Variants in GAREM1 observed in about 807,000 individuals in gnomAD.
GAREM1 encodes GRB2 associated regulator of MAPK1 subtype 1, also known as GRB2-associated and regulator of MAPK protein 1.
Under a neutral mutation model 71.3 loss-of-function variants are expected in GAREM1, and 26 were observed. That is an observed-to-expected ratio of 0.36 (90% CI 0.27 to 0.51). The LOEUF is 0.51. Ranked by LOEUF, GAREM1 falls within the 20% of genes least tolerant of loss-of-function variation. The pLI, the probability that GAREM1 is intolerant of heterozygous loss-of-function variation, is 0.95. For synonymous variants in GAREM1, 440 were observed against 433.2 expected, an observed-to-expected ratio of 1.02 and a Z score of -0.20; for missense variants, 1,026 against 1,103.1, an observed-to-expected ratio of 0.93 and a Z score of 0.99.
chr18:32,327,824 C>T (rs1368509910), intron 2 of GAREM1, among the ~76,000 whole-genome samples: 1 of 152,132 alleles, frequency 6.6e-6, no homozygotes, highest in African/African-American at 2.4e-5. Flanking sequence ...TGGCCTTGAC[C>T]TTGAGAGGAG....
chr18:32,322,854 C>T (rs2047442932), intron 2 of GAREM1, among the ~76,000 whole-genome samples: 1 of 152,146 alleles, frequency 6.6e-6, no homozygotes, highest in African/African-American at 2.4e-5. Context: ...TCCTTTTGTG[C>T]TGTTTTCTTA....
Position 32,418,302 on chromosome 18 carries a change from G to C in GAREM1, c.122-25267C>G, listed in dbSNP as rs528287203. ...TTACAGAGTTCCGTGATGAGTCTCA[G>C]ATGTCCATGGTGTCAAAGTCCATGA... On this transcript the variant is annotated intron_variant, in intron 1 of 5. Transcript: ENST00000269209. Among the ~76,000 whole-genome samples, 50 of 152,222 alleles carry C rather than the reference G, an allele frequency of 3.3e-4. 1 individual carries two copies. The highest frequency in any genetic ancestry group is 1.5e-3 in the South Asian group (7 of 4,814).
At chr18:32,459,739 G>A (rs1357694218) in intron 1 of GAREM1, among the ~76,000 whole-genome samples, 1 of 151,984 alleles carries the variant, frequency 6.6e-6, no homozygotes, top group African/African-American at 2.4e-5. Context: ...AAACTACTGG[G>A]GACCAGAAAT....
In GAREM1 at chr18:32,268,739, G is replaced by C. The variant is rs201591851; in HGVS notation, c.1763C>G (p.Ser588Cys). Residue 588 changes from serine (S) to cysteine (C), a missense_variant, in exon 6 of 6, where the codon TCT (serine) becomes TGT (cysteine). By Grantham distance (112) the Ser-to-Cys change is moderately radical. Around this residue, in one of 3 missense-constraint regions of GAREM1, gnomAD observed 636 missense variants for 631.2 expected, o/e 1.01. Coordinates refer to ENST00000269209, the MANE Select transcript of GAREM1 (RefSeq NM_001242409.2). ...ISVTKTDTNP[S>C]ESTPVSCYPC... ...ATAGCAGGAAACAGGAGTGCTTTCA[G>C]AAGGATTTGTGTCAGTTTTAGTGAC... 1.7e-5 allele frequency: 28 copies of C among 1,614,020 alleles called. 1 individual carries two copies. The highest frequency in any genetic ancestry group is 1.7e-6 in the Non-Finnish European group (2 of 1,179,902).
At chr18:32,326,678 CTTCTT>C (rs1163293595) in intron 2 of GAREM1, among the ~76,000 whole-genome samples, 1 of 152,182 alleles carries the variant, frequency 6.6e-6, no homozygotes, top group Non-Finnish European at 1.5e-5. Flanking sequence ...CCGACACTGT[CTTCTT>C]TTGTTTTCTT....
At chr18:32,407,989 A>G (rs192486393) in intron 1 of GAREM1, among the ~76,000 whole-genome samples, 1 of 152,176 alleles carries the variant, frequency 6.6e-6, no homozygotes, top group Admixed American at 6.5e-5. Flanking sequence ...TTTTTAAAAA[A>G]AAACTAACTC....
At chr18:32,445,471 T>C (rs914335980) in intron 1 of GAREM1, among the ~76,000 whole-genome samples, 3 of 151,560 alleles carry the variant, frequency 2.0e-5, no homozygotes, top group African/African-American at 7.3e-5. Context: ...GGGTATATAC[T>C]CCCCCCTAGA....
At chr18:32,464,506 G>T (rs1249832158) in intron 1 of GAREM1, among the ~76,000 whole-genome samples, 1 of 152,138 alleles carries the variant, frequency 6.6e-6, no homozygotes, top group Non-Finnish European at 1.5e-5. Flanking sequence ...AAAAAGTAAA[G>T]TTCCTTTCCA....
At chr18:32,359,065 T>C (rs1052176083) in intron 2 of GAREM1, among the ~76,000 whole-genome samples, 4 of 152,176 alleles carry the variant, frequency 2.6e-5, no homozygotes, top group Non-Finnish European at 4.4e-5. Flanking sequence ...GATATTTGTG[T>C]GCCATTTCAA....
chr18:32,448,129 T>C (rs2048801343), intron 1 of GAREM1, among the ~76,000 whole-genome samples: 1 of 152,192 alleles, frequency 6.6e-6, no homozygotes, highest in African/African-American at 2.4e-5. Context: ...GAGACACCTA[T>C]CATTTATCAA....
At chr18:32,377,441 C>T (rs1036457122) in intron 2 of GAREM1, among the ~76,000 whole-genome samples, 2 of 152,172 alleles carry the variant, frequency 1.3e-5, no homozygotes, top group African/African-American at 4.8e-5. Context: ...AGCTGCCAAA[C>T]GTGAAGACAG....
intron 1 of GAREM1, among the ~76,000 whole-genome samples, chr18:32,444,573 T>C (rs2048769452): frequency 6.6e-6 from 1 of 152,180 alleles, no homozygotes; most frequent in Admixed American, 6.5e-5. Context: ...TATTCTGGTT[T>C]AAGTATAGTC....
intron 2 of GAREM1, among the ~76,000 whole-genome samples, chr18:32,346,689 G>C (rs2047700466): frequency 1.3e-5 from 2 of 152,182 alleles, no homozygotes; most frequent in Admixed American, 1.3e-4. Flanking sequence ...ACTACTCCTA[G>C]TTGTGTCAGA....
chr18:32,428,214 C>A (rs2048592546), intron 1 of GAREM1, among the ~76,000 whole-genome samples: 1 of 152,044 alleles, frequency 6.6e-6, no homozygotes, highest in African/African-American at 2.4e-5. Context: ...AGGCCACATA[C>A]CATTAGAGGC....
chr18:32,378,923 G>A (rs953611467), intron 2 of GAREM1, among the ~76,000 whole-genome samples: 1 of 151,714 alleles, frequency 6.6e-6, no homozygotes, highest in Non-Finnish European at 1.5e-5. Flanking sequence ...ATTGTATCAT[G>A]GGAGTGAGCT....
chr18:32,407,696 T>C (rs1291230657), intron 1 of GAREM1, among the ~76,000 whole-genome samples: 1 of 152,090 alleles, frequency 6.6e-6, no homozygotes, highest in Non-Finnish European at 1.5e-5. Flanking sequence ...TAGATGACAT[T>C]ACTAGAGTGG....
chr18:32,455,375 A>C (rs2048877614), intron 1 of GAREM1, among the ~76,000 whole-genome samples: 1 of 152,184 alleles, frequency 6.6e-6, no homozygotes, highest in Non-Finnish European at 1.5e-5. Context: ...AGAAAGAGAC[A>C]CACATACATT....
At chr18:32,302,207 A>G (rs181458522) in intron 3 of GAREM1, among the ~76,000 whole-genome samples, 1 of 152,240 alleles carries the variant, frequency 6.6e-6, no homozygotes, top group Admixed American at 6.5e-5. Flanking sequence ...CTGCTGAGTC[A>G]TTTTGTGGCT....
intron 1 of GAREM1, among the ~76,000 whole-genome samples, chr18:32,457,762 T>C (rs954054196): frequency 6.6e-6 from 1 of 152,154 alleles, no homozygotes; most frequent in South Asian, 2.1e-4. Context: ...TTTTAATTAT[T>C]ATTTTTTATT....
Sources: gnomAD v4.1 joint callset for allele counts (sites outside exome capture counted in the v4.1 genomes callset) on GRCh38, gnomAD v4.1.1 for gene constraint, gnomAD v4.1.1 regional missense constraint, MANE v1.5 for transcripts, NCBI Gene and HGNC (gene_info 2026-07-23, HGNC 2026-07-21) for gene names.